Variants in AMPD1 observed in about 807,000 individuals in gnomAD.
AMPD1 encodes adenosine monophosphate deaminase 1.
Under a neutral mutation model 82.9 loss-of-function variants are expected in AMPD1, and 74 were observed. The ratio of observed to expected loss-of-function variants is 0.89; its 90% CI spans 0.74 to 1.08. The LOEUF is 1.08. AMPD1 is among the 50% of genes least tolerant of loss of function. The pLI is 0.00. For synonymous variants in AMPD1, 333 were observed against 320.5 expected (o/e 1.04, Z -0.42); for missense variants, 881 against 924.5 (o/e 0.95, Z 0.61).
chr1:114,675,011 T>C (rs1657940073), intron 12 of AMPD1, 139 bp from the exon 13 acceptor site: 1 of 1,140,438 alleles, frequency 8.8e-7, no homozygotes, highest in African/African-American at 1.5e-5. Context: ...AATCATAATC[T>C]TAATTCTTGC....
intron 2 of AMPD1, among the ~76,000 whole-genome samples, chr1:114,692,788 C>G (rs1658551781): frequency 7.0e-6 from 1 of 143,620 alleles, no homozygotes; most frequent in Non-Finnish European, 1.5e-5. Context: ...AGTTGCTTTA[C>G]TAAGGCAAGA....
intron 2 of AMPD1, 92 bp downstream of exon 2, chr1:114,693,344 T>G: frequency 7.7e-7 from 1 of 1,290,990 alleles, no homozygotes; most frequent in South Asian, 1.2e-5. Flanking sequence ...TAAACACTGC[T>G]GAAAAATAGC....
chr1:114,675,444 G>A (rs1202989573), intron 12 of AMPD1, 86 bp downstream of exon 12: 2 of 1,413,612 alleles, frequency 1.4e-6, no homozygotes, highest in East Asian at 2.3e-5. Flanking sequence ...AGTAATGCAT[G>A]AGGCCCCTGA....
intron 4 of AMPD1, among the ~76,000 whole-genome samples, chr1:114,685,085 A>T (rs150400627): frequency 3.3e-5 from 5 of 152,266 alleles, no homozygotes; most frequent in African/African-American, 1.2e-4. Flanking sequence ...GAACCCAAAG[A>T]CTTTTCCTGT....
chr1:114,694,793 G>A (rs922562648), intron 1 of AMPD1, among the ~76,000 whole-genome samples: 32 of 151,996 alleles, frequency 2.1e-4, no homozygotes, highest in Admixed American at 2.0e-3. Flanking sequence ...GCAGTGAATC[G>A]TGATCGTGCC....
chr1:114,694,236 C>T (rs1446505298), intron 1 of AMPD1, among the ~76,000 whole-genome samples: 1 of 151,036 alleles, frequency 6.6e-6, no homozygotes, highest in Non-Finnish European at 1.5e-5. Context: ...AAAACAAAAA[C>T]AAAAACGAAC....
intron 2 of AMPD1, among the ~76,000 whole-genome samples, chr1:114,691,128 G>A (rs983788333): frequency 6.6e-6 from 1 of 152,162 alleles, no homozygotes; most frequent in Non-Finnish European, 1.5e-5. Flanking sequence ...CTACTCTTAA[G>A]AAGCAGCTTA....
chr1:114,675,201 G>C (rs1657945138), intron 12 of AMPD1, among the ~76,000 whole-genome samples: 1 of 151,964 alleles, frequency 6.6e-6, no homozygotes, highest in Non-Finnish European at 1.5e-5. Flanking sequence ...GAAAACTCCA[G>C]TATAATATTC....
chr1:114,686,833 T>C lies in AMPD1; in HGVS notation c.293A>G (p.His98Arg). 1 of 1,614,152 alleles carries C rather than the reference T, an allele frequency of 6.2e-7. No homozygotes were observed. The highest frequency in any genetic ancestry group is 1.1e-5 in the South Asian group (1 of 91,084). Residue 98 changes from histidine (H) to arginine (R), a missense_variant, in exon 4 of 16, where the codon CAC becomes CGC. Coordinates refer to ENST00000520113, the MANE Select transcript of AMPD1 (RefSeq NM_000036.3). The stretch of plus-strand genomic sequence containing the variant: ...AGATGAGGAAATGTATTCATCAATG[T>C]GGGACAGTTTGGTGGAAGATGTTTC... The part of the protein sequence containing the change: ...LSETSSTKLS[H>R]IDEYISSSPT...
chr1:114,676,023 GAATTT>G lies in AMPD1; in HGVS notation c.1389-25_1389-21del. The G allele has an allele frequency of 6.2e-7, 1 of 1,613,048 alleles. No homozygotes were observed. ...ACATCACTAGAGGCAAGAATGAAGA[GAATTT>G]AGGAGAAAAAAAGATTTTTAGGACT... On this transcript the variant is annotated intron_variant, in intron 10 of 15. Coordinates refer to ENST00000520113, the MANE Select transcript of AMPD1 (RefSeq NM_000036.3).
In AMPD1 at chr1:114,689,202, C is replaced by G. The variant is rs137923404; in HGVS notation, c.35-461G>C. On this transcript the variant is annotated intron_variant, in intron 2 of 15. Coordinates refer to ENST00000520113, the MANE Select transcript of AMPD1 (RefSeq NM_000036.3). ...AAGGAGAACCAGTGATTCCGGTGAT[C>G]TAAGTAGTTCTGAGAAATAAATGTG... 8.6e-3 allele frequency among the ~76,000 whole-genome samples: 1,303 copies of G among 152,324 alleles called. 19 individuals carry two copies. Among genetic ancestry groups the G allele is most frequent in the South Asian group, 0.012 (60 of 4,826 alleles).
At chr1:114,688,863 C>G (rs761097969) in intron 2 of AMPD1, 122 bp from the exon 3 acceptor site, 1 of 1,120,364 alleles carries the variant, frequency 8.9e-7, no homozygotes, top group Non-Finnish European at 1.4e-6. Flanking sequence ...TGCTTTCCAA[C>G]CAGGGTCCAA....
intron 14 of AMPD1, 42 bp downstream of exon 14, chr1:114,673,867 G>A (rs772087126): frequency 1.2e-6 from 2 of 1,607,410 alleles, no homozygotes; most frequent in Non-Finnish European, 1.7e-6. Context: ...GGAAACAACA[G>A]TCCAGCAAAA....
At position 114,689,493 on chromosome 1, in the gene AMPD1, A is replaced by G. The variant is rs545411235; in HGVS notation, c.35-752T>C. Among the ~76,000 whole-genome samples the G allele has an allele frequency of 5.3e-5, 8 of 152,196 alleles. No homozygotes were observed. In the South Asian group the frequency reaches 1.7e-3, roughly 32 times the overall value. ...GGAAATGATGCTTCTTAGTTTGGCA[A>G]TGAATAACCCCAAGACCCTCAGGAT... is the stretch of plus-strand genomic sequence containing the variant. On this transcript the variant is annotated intron_variant, in intron 2 of 15. Transcript: ENST00000520113.
In AMPD1 at chr1:114,678,541, C is replaced by T. The variant is rs1452349780; in HGVS notation, c.898-14G>A. On this transcript the variant is annotated splice_polypyrimidine_tract_variant and intron_variant, in intron 7 of 15. Transcript: ENST00000520113. ...ATGGGTGTCCACCTGTATGTATATTCAAAGAAAGAAAAAAACATCAATCAG... is the reference window on the plus strand; with the variant it reads ...ATGGGTGTCCACCTGTATGTATATTTAAAGAAAGAAAAAAACATCAATCAG... 5 of 1,610,348 alleles carry T rather than the reference C, an allele frequency of 3.1e-6. No individual in the cohort carries two copies. Among genetic ancestry groups the T allele is most frequent in the Non-Finnish European group, 4.2e-6 (5 of 1,177,130 alleles).
chr1:114,695,340 G>A lies in AMPD1; in HGVS notation c.22+110C>T, dbSNP rs1470539627. On this transcript the variant is annotated intron_variant, in intron 1 of 15. Transcript: ENST00000520113. ...CTGAAATGTATGTTAAAGCTATCACGAACCCTAAATGAATGATCAAAGCTG... is the reference window on the plus strand; with the variant it reads ...CTGAAATGTATGTTAAAGCTATCACAAACCCTAAATGAATGATCAAAGCTG... 7.5e-6 allele frequency: 11 copies of A among 1,470,876 alleles called. No individual in the cohort carries two copies. In the Middle Eastern group the frequency reaches 7.7e-4, roughly 103 times the overall value. 91.1% of individuals were successfully genotyped at this position (1,470,876 alleles called of 1,614,324 possible).
intron 2 of AMPD1, 103 bp from the exon 3 acceptor site, chr1:114,688,844 T>C (rs1658424409): frequency 3.8e-6 from 5 of 1,319,536 alleles, no homozygotes; most frequent in Admixed American, 1.7e-5. Context: ...GCTGCGTGCA[T>C]GGCTCTCCTG....
intron 10 of AMPD1, 107 bp downstream of exon 10, chr1:114,677,243 CA>C: frequency 6.7e-7 from 1 of 1,490,132 alleles, no homozygotes; most frequent in Non-Finnish European, 9.3e-7. Flanking sequence ...GCTGTTTTAA[CA>C]AAGCTGATTT....
intron 5 of AMPD1, among the ~76,000 whole-genome samples, chr1:114,682,581 C>CTT (rs538227539): frequency 2.5e-4 from 35 of 141,296 alleles, no homozygotes; most frequent in East Asian, 1.2e-3. Context: ...CTTCAAAAAT[C>CTT]TTTTTTTTTT....
Sources: gnomAD v4.1 joint callset for allele counts (sites outside exome capture counted in the v4.1 genomes callset) on GRCh38, gnomAD v4.1.1 for gene constraint, MANE v1.5 for transcripts, NCBI Gene and HGNC (gene_info 2026-07-23, HGNC 2026-07-21) for gene names.